PRKDC: variants seen among roughly 807,000 people sequenced by gnomAD.
PRKDC encodes DNA-dependent protein kinase catalytic subunit.
In PRKDC, 82 loss-of-function variants were observed where a neutral mutation model predicts 486.9. That is an observed-to-expected ratio of 0.17 (90% CI 0.14 to 0.20). The LOEUF (loss-of-function observed/expected upper bound fraction) is 0.20, where lower values mean the gene tolerates loss of function less well. PRKDC is among the 10% of genes least tolerant of loss of function. The probability of loss-of-function intolerance (pLI) is 1.00; values close to 1 mark genes in which losing one functional copy is unlikely to be tolerated. For synonymous variants in PRKDC, 1,895 were observed against 1,837.0 expected, an observed-to-expected ratio of 1.03 and a Z score of -0.81; for missense variants, 4,504 against 5,038.2, an observed-to-expected ratio of 0.89 and a Z score of 3.21.
intron 61 of PRKDC, among the ~76,000 whole-genome samples, chr8:47,828,957 A>G (rs1036595444): frequency 1.3e-5 from 2 of 152,206 alleles, no homozygotes; most frequent in African/African-American, 4.8e-5. Context: ...TAACCCTCGC[A>G]CACTTCATGG....
chr8:47,865,030 A>G (rs184213370), intron 40 of PRKDC, among the ~76,000 whole-genome samples: 1 of 152,372 alleles, frequency 6.6e-6, no homozygotes, highest in Non-Finnish European at 1.5e-5. Flanking sequence ...TCTTGCTTAA[A>G]GAACATCTGG....
At chr8:47,886,261 G>T in intron 35 of PRKDC, 114 bp from the exon 36 acceptor site, 2 of 739,434 alleles carry the variant, frequency 2.7e-6, no homozygotes, top group African/African-American at 1.8e-5. Flanking sequence ...TCTAAAAAGA[G>T]CCTGATATGT....
intron 36 of PRKDC, among the ~76,000 whole-genome samples, chr8:47,882,923 T>A (rs2089251888): frequency 6.6e-6 from 1 of 152,258 alleles, no homozygotes; most frequent in African/African-American, 2.4e-5. Context: ...CTGCAAGCCC[T>A]CTAAGCCTAT....
intron 67 of PRKDC, 70 bp downstream of exon 67, chr8:47,819,331 AG>A: frequency 2.0e-6 from 2 of 1,017,170 alleles, no homozygotes; most frequent in Non-Finnish European, 1.4e-6. Flanking sequence ...TTCACTAAGC[AG>A]AAAATAATTT....
At chr8:47,789,297 AT>A in intron 74 of PRKDC, 59 bp from the exon 75 acceptor site, 1 of 851,588 alleles carries the variant, frequency 1.2e-6, no homozygotes, top group Non-Finnish European at 1.7e-6. Flanking sequence ...ATCAATATAT[AT>A]TTTATATACC....
At position 47,957,362 on chromosome 8, in the gene PRKDC, C is replaced by G; in HGVS notation, c.224G>C (p.Ser75Thr). ...CCAAAATTGTCAACTTACTTCAATA[C>G]TGTTGAGTGACTTCCGGACAAATAC... Reference protein sequence around the residue: ...LLVFVRKSLNSIEFRECREEI... With the variant: ...LLVFVRKSLNTIEFRECREEI... The change falls in exon 2 of 86, where the codon AGT (serine) becomes ACT (threonine). Residue 75 changes from serine (S) to threonine (T), a missense_variant. Physicochemically the swap from Ser to Thr is moderately conservative, Grantham distance 58 (BLOSUM62 1). Coordinates refer to ENST00000314191, the MANE Select transcript of PRKDC (RefSeq NM_006904.7). 1.9e-6 allele frequency: 3 copies of G among 1,597,838 alleles called. No homozygotes were observed. The highest frequency in any genetic ancestry group is 2.6e-6 in the Non-Finnish European group (3 of 1,171,400).
chr8:47,864,203 A>G (rs528736845), intron 41 of PRKDC, among the ~76,000 whole-genome samples: 2 of 139,210 alleles, frequency 1.4e-5, no homozygotes, highest in Admixed American at 1.4e-4. Context: ...CCAGGGAGGA[A>G]GAGACCAGGG....
intron 74 of PRKDC, among the ~76,000 whole-genome samples, chr8:47,789,811 C>T (rs1465465097): frequency 2.6e-5 from 4 of 151,988 alleles, no homozygotes; most frequent in African/African-American, 9.7e-5. Flanking sequence ...GAATAAAGGA[C>T]AAAAACCACT....
rs1439955320 is a variant in PRKDC at position 47,855,346 on chromosome 8, T to C, written c.6637A>G (p.Asn2213Asp). The C allele has an allele frequency of 1.3e-6, 2 of 1,599,520 alleles. No individual in the cohort carries two copies. Among genetic ancestry groups the C allele is most frequent in the Non-Finnish European group, 1.7e-6 (2 of 1,172,062 alleles). The change falls in exon 50 of 86, where the codon AAT becomes GAT. Residue 2213 changes from asparagine (N) to aspartate (D), a missense_variant. This residue lies in a region of PRKDC where 1,592 missense variants were observed against 1,724.6 expected (regional missense o/e 0.92). Transcript: ENST00000314191. Reference protein sequence around the residue: ...TGVPKDEVLANRLLNFLMKHV... With the variant: ...TGVPKDEVLADRLLNFLMKHV... ...TTCATTAGGAAATTAAGCAATCGAT[T>C]TGCTAACACTTCATCTTTAGGGACC...
intron 21 of PRKDC, among the ~76,000 whole-genome samples, chr8:47,921,973 GT>G (rs1411449954): frequency 2.0e-5 from 3 of 152,050 alleles, no homozygotes; most frequent in South Asian, 2.1e-4. Context: ...TAGAGCCAGG[GT>G]TTTGCCATGT....
At chr8:47,774,955 G>A (rs1248462867) in intron 85 of PRKDC, among the ~76,000 whole-genome samples, 2 of 151,928 alleles carry the variant, frequency 1.3e-5, no homozygotes, top group Non-Finnish European at 1.5e-5. Context: ...CATCTGGCAA[G>A]GCGTGGTGGC....
intron 36 of PRKDC, among the ~76,000 whole-genome samples, chr8:47,883,690 A>C (rs2089270679): frequency 6.6e-6 from 1 of 152,232 alleles, no homozygotes; most frequent in South Asian, 2.1e-4. Context: ...TTAATTCCCA[A>C]GAGCCTTTTT....
chr8:47,928,988 C>A, intron 19 of PRKDC, 104 bp downstream of exon 19: 1 of 968,094 alleles, frequency 1.0e-6, no homozygotes. Context: ...CCGCACCCAG[C>A]CCCAATTCTT....
At chr8:47,885,336 A>C (rs1387337902) in intron 36 of PRKDC, among the ~76,000 whole-genome samples, 1 of 151,808 alleles carries the variant, frequency 6.6e-6, no homozygotes, top group East Asian at 2.0e-4. Context: ...TATTTTTAGT[A>C]GAAACAAGGT....
At chr8:47,850,172 C>T (rs2154500229) in intron 52 of PRKDC, among the ~76,000 whole-genome samples, 2 of 152,274 alleles carry the variant, frequency 1.3e-5, no homozygotes, top group Middle Eastern at 6.8e-3. Context: ...TCAGTAGAGT[C>T]CACTGGCAGG....
intron 21 of PRKDC, among the ~76,000 whole-genome samples, chr8:47,920,992 G>A (rs755077168): frequency 6.6e-6 from 1 of 152,092 alleles, no homozygotes; most frequent in Non-Finnish European, 1.5e-5. Context: ...GGTGGCTCAC[G>A]CCTGTAATCC....
Position 47,888,510 on chromosome 8 carries a change from A to G in PRKDC, c.4413+8T>C. 6.6e-7 allele frequency: 1 copy of G among 1,519,516 alleles called. No individual in the cohort carries two copies. Among genetic ancestry groups the G allele is most frequent in the East Asian group, 2.5e-5 (1 of 40,628 alleles). The allele number at this position is 1,519,516 out of a possible 1,614,324, so 94.1% of individuals were successfully genotyped here. On this transcript the variant is annotated splice_region_variant and intron_variant, in intron 34 of 85. Coordinates refer to ENST00000314191, the MANE Select transcript of PRKDC (RefSeq NM_006904.7). ...AAAATAAATGTAAAAACAATAAGTT[A>G]TAGTTACCTGAGACGGTAATATATT...
At chr8:47,911,998 T>C (rs911671915) in intron 25 of PRKDC, among the ~76,000 whole-genome samples, 1 of 152,116 alleles carries the variant, frequency 6.6e-6, no homozygotes, top group Non-Finnish European at 1.5e-5. Context: ...CTTCAACTCC[T>C]GACCTCAGGT....
chr8:47,879,131 A>G (rs772227893), intron 39 of PRKDC, among the ~76,000 whole-genome samples: 5 of 152,220 alleles, frequency 3.3e-5, no homozygotes, highest in Non-Finnish European at 7.3e-5. Context: ...TATATTTTAC[A>G]CATTCCATTT....
Sources: allele counts gnomAD v4.1 joint callset (sites outside exome capture counted in the v4.1 genomes callset), GRCh38; gene constraint gnomAD v4.1.1; regional missense constraint gnomAD v4.1.1; transcripts MANE v1.5; gene names NCBI Gene and HGNC (gene_info 2026-07-23, HGNC 2026-07-21).